WDR27: variants seen among roughly 807,000 people sequenced by gnomAD.
The protein encoded by WDR27 is WD repeat domain 27.
WDR27 carries 100 observed loss-of-function variants against 114.4 expected under a neutral mutation model. That is an observed-to-expected ratio of 0.87 (90% CI 0.74 to 1.03). The LOEUF is 1.03. WDR27 is among the 50% of genes least tolerant of loss of function. The pLI, the probability that WDR27 is intolerant of heterozygous loss-of-function variation, is 0.00. For missense variants in WDR27, 1,129 were observed against 1,092.9 expected, an observed-to-expected ratio of 1.03 and a Z score of -0.47; for synonymous variants, 449 against 423.1, an observed-to-expected ratio of 1.06 and a Z score of -0.75.
intron 25 of WDR27, among the ~76,000 whole-genome samples, chr6:169,510,066 C>A (rs1168119153): frequency 6.6e-6 from 1 of 152,148 alleles, no homozygotes; most frequent in Non-Finnish European, 1.5e-5. Context: ...AAATGCAAAT[C>A]GAAACCACAA....
At chr6:169,530,971 T>C (rs541370636) in intron 25 of WDR27, among the ~76,000 whole-genome samples, 5 of 152,280 alleles carry the variant, frequency 3.3e-5, no homozygotes, top group South Asian at 2.1e-4. Flanking sequence ...CTCCCACACA[T>C]AGCAGTGGCT....
intron 25 of WDR27, chr6:169,559,568 CT>C (rs1562582634): frequency 6.6e-6 from 1 of 152,112 alleles, no homozygotes; most frequent in African/African-American, 2.4e-5. Flanking sequence ...AAATAAGAAA[CT>C]TTTTTGAAAT....
the WDR27 span, among the ~76,000 whole-genome samples, chr6:169,447,486 G>A: frequency 5.9e-5 from 9 of 152,092 alleles, no homozygotes; most frequent in Non-Finnish European, 1.2e-4. Flanking sequence ...TAACGACTTG[G>A]ATTTCAACAA....
rs573326219 is a variant in WDR27 at position 169,484,469 on chromosome 6, G to A, written c.2646-26835C>T. Among the ~76,000 whole-genome samples, 179 of 152,146 alleles carry A rather than the reference G, an allele frequency of 1.2e-3. No individual in the cohort carries two copies. The Middle Eastern group carries it at 0.02, about 17-fold the overall frequency. On this transcript the variant is annotated intron_variant, in intron 25 of 25. Transcript: ENST00000448612. The stretch of plus-strand genomic sequence containing the variant: ...ACCTAGAAATACAACTAACCAGGGA[G>A]GTGAAAGACATCTACAATGAGAATT...
rs114264703 is a variant in WDR27, at chr6:169,659,941, G to T, written c.1130-423C>A. On this transcript the variant is annotated intron_variant, in intron 10 of 25. Transcript: ENST00000448612. This position sits in a 1 kb window ranked among gnomAD's most constrained non-coding sequence, Gnocchi z 4.3. ...GAGCTGGGGAGGGGCAGGGATGGGC[G>T]GCTGAAGGGAAGGGCGTGTGTGAAG... Among the ~76,000 whole-genome samples, 2 of 151,878 alleles carry T rather than the reference G, an allele frequency of 1.3e-5. No individual in the cohort carries two copies. Among genetic ancestry groups the T allele is most frequent in the African/African-American group, 2.4e-5 (1 of 41,336 alleles).
At chr6:169,614,364 G>C (rs1203605302) in intron 21 of WDR27, among the ~76,000 whole-genome samples, 4 of 152,066 alleles carry the variant, frequency 2.6e-5, no homozygotes, top group Admixed American at 6.6e-5. Context: ...GAAAATAAAG[G>C]CTTACTAAGT....
chr6:169,699,779 C>T lies in WDR27; in HGVS notation c.-8+1772G>A, dbSNP rs540972004. Reference sequence around the variant, plus strand: ...GAAGGATCACTTGAGCCCAGGAGTTCAAGACCAGCCTGGGCAACATAGTGA... The same window carrying T: ...GAAGGATCACTTGAGCCCAGGAGTTTAAGACCAGCCTGGGCAACATAGTGA... On this transcript the variant is annotated intron_variant, in intron 1 of 25. Coordinates refer to ENST00000448612, the MANE Select transcript of WDR27 (RefSeq NM_182552.5). Among the ~76,000 whole-genome samples the T allele has an allele frequency of 3.1e-4, 47 of 152,080 alleles. No homozygotes were observed. In the South Asian group the frequency reaches 9.6e-3, roughly 31 times the overall value.
intron 25 of WDR27, among the ~76,000 whole-genome samples, chr6:169,466,147 C>T (rs999081463): frequency 1.3e-5 from 2 of 152,076 alleles, no homozygotes; most frequent in Admixed American, 1.3e-4. Flanking sequence ...CGTTTCTGTC[C>T]AGAAAAGCAG....
intron 25 of WDR27, among the ~76,000 whole-genome samples, chr6:169,459,495 A>T (rs1295265799): frequency 6.6e-6 from 1 of 151,944 alleles, no homozygotes; most frequent in African/African-American, 2.4e-5. Context: ...ATAACAGTTG[A>T]AAACTCCCAA....
At chr6:169,588,935 G>A (rs764106708) in intron 23 of WDR27, among the ~76,000 whole-genome samples, 6 of 152,220 alleles carry the variant, frequency 3.9e-5, no homozygotes, top group Admixed American at 6.5e-5. Context: ...GACAGCCACG[G>A]AGCCTCAGTG....
chr6:169,701,060 A>G (rs894165336), intron 1 of WDR27, among the ~76,000 whole-genome samples: 28 of 152,242 alleles, frequency 1.8e-4, no homozygotes, highest in African/African-American at 6.3e-4. Flanking sequence ...AACACAAGAT[A>G]GTAATCCCAG....
rs3006202 is a variant in WDR27, at chr6:169,560,096, C to A, written c.2645+12323G>T. 3.9e-5 allele frequency among the ~76,000 whole-genome samples: 6 copies of A among 151,990 alleles called. No individual in the cohort carries two copies. In the South Asian group the frequency reaches 1.2e-3, roughly 32 times the overall value. On this transcript the variant is annotated intron_variant, in intron 25 of 25. Coordinates refer to ENST00000448612, the MANE Select transcript of WDR27 (RefSeq NM_182552.5). ...TCCCCACCCAAATCTCCACTTGAATCGTATCTCCCAGAATTCCCACAAGTT... is the reference window on the plus strand; with the variant it reads ...TCCCCACCCAAATCTCCACTTGAATAGTATCTCCCAGAATTCCCACAAGTT...
intron 23 of WDR27, among the ~76,000 whole-genome samples, chr6:169,600,981 T>C (rs542397160): frequency 1.3e-5 from 2 of 152,236 alleles, no homozygotes; most frequent in South Asian, 2.1e-4. Flanking sequence ...AAGATACTCC[T>C]TGAGAAGAGC....
At chr6:169,623,570 G>A (rs2494685) in intron 21 of WDR27, among the ~76,000 whole-genome samples, 70,339 of 152,074 alleles carry the variant, frequency 0.46, 20,612 homozygotes, top group Non-Finnish European at 0.66. Flanking sequence ...CACAGCCTGC[G>A]TACCCACTCA....
chr6:169,567,375 GT>G (rs1191333748), intron 25 of WDR27, among the ~76,000 whole-genome samples: 1 of 152,210 alleles, frequency 6.6e-6, no homozygotes, highest in Non-Finnish European at 1.5e-5. Context: ...GAACTGACTA[GT>G]TTAGGAGTAT....
intron 2 of WDR27, among the ~76,000 whole-genome samples, chr6:169,683,748 G>A (rs1236904783): frequency 6.6e-6 from 1 of 152,150 alleles, no homozygotes; most frequent in Non-Finnish European, 1.5e-5. Context: ...GAAAAGGTAA[G>A]CAAAAGATCC....
At chr6:169,673,816 A>G (rs1779389683) in intron 2 of WDR27, among the ~76,000 whole-genome samples, 3 of 152,270 alleles carry the variant, frequency 2.0e-5, no homozygotes, top group South Asian at 2.1e-4. Flanking sequence ...TAACTCTACA[A>G]TTTTTTTCCG....
chr6:169,631,164 G>A (rs544266941), intron 21 of WDR27, among the ~76,000 whole-genome samples: 15 of 152,238 alleles, frequency 9.9e-5, no homozygotes, highest in African/African-American at 3.1e-4. Flanking sequence ...GAAGTATGCC[G>A]TTTTCATAGC....
chr6:169,442,468 G>A, the WDR27 span, among the ~76,000 whole-genome samples: 1 of 152,092 alleles, frequency 6.6e-6, no homozygotes, highest in Admixed American at 6.5e-5. Flanking sequence ...TTCTTTTACA[G>A]GTGAAAGGTA....
Sources: gnomAD v4.1 joint callset for allele counts (sites outside exome capture counted in the v4.1 genomes callset) on GRCh38, gnomAD v4.1.1 for gene constraint, Gnocchi (gnomAD v3.1) non-coding constraint, MANE v1.5 for transcripts, NCBI Gene and HGNC (gene_info 2026-07-23, HGNC 2026-07-21) for gene names.